FNDC8: variants seen among roughly 807,000 people sequenced by gnomAD.
FNDC8 encodes the protein fibronectin type III domain-containing protein 8.
Under a neutral mutation model 24.8 loss-of-function variants are expected in FNDC8, and 23 were observed. The ratio of observed to expected loss-of-function variants is 0.93; its 90% CI spans 0.67 to 1.31. The LOEUF is 1.31. Ranked by LOEUF, FNDC8 falls within the 40% of genes most tolerant of loss-of-function variation. FNDC8 has a pLI of 0.00. For missense variants in FNDC8, 371 were observed against 398.2 expected, an observed-to-expected ratio of 0.93 and a Z score of 0.58; for synonymous variants, 158 against 165.3, an observed-to-expected ratio of 0.96 and a Z score of 0.34.
chr17:35,127,302 A>G lies in FNDC8; in HGVS notation c.470A>G (p.Asp157Gly), dbSNP rs1372796592. ...QMATRGLLDL[D>G]NPELETETSS... Reference sequence around the variant, plus strand: ...GCCACAAGGGGCCTGCTGGACCTTGACAACCCTGAGCTGGAGACAGAAACC... The same window carrying G: ...GCCACAAGGGGCCTGCTGGACCTTGGCAACCCTGAGCTGGAGACAGAAACC... The change falls in exon 2 of 4, where the codon GAC (aspartate) becomes GGC (glycine). Residue 157 changes from aspartate (D) to glycine (G), a missense_variant. Transcript: ENST00000158009. 1 of 1,613,902 alleles carries G rather than the reference A, an allele frequency of 6.2e-7. No individual in the cohort carries two copies. Among genetic ancestry groups the G allele is most frequent in the Admixed American group, 1.7e-5 (1 of 59,986 alleles).
chr17:35,121,703 G>A lies in FNDC8; in HGVS notation c.10G>A (p.Glu4Lys). 6.2e-7 allele frequency: 1 copy of A among 1,614,046 alleles called. No homozygotes were observed. Among genetic ancestry groups the A allele is most frequent in the South Asian group, 1.1e-5 (1 of 91,080 alleles). MAS[E>K]ALHQVGDGEE... is the part of the protein sequence containing the mutation. ...ATCCCGAACAAATCAGATGGCATCA[G>A]AGGCACTCCATCAAGTGGGAGATGG... is the stretch of plus-strand genomic sequence containing the variant. Residue 4 changes from glutamate to lysine, a missense_variant, in exon 1 of 4, where the codon GAG becomes AAG. Glu to Lys is a moderately conservative substitution (Grantham distance 56). Transcript: ENST00000158009.
At chr17:35,122,538 C>CA (rs2091833987) in intron 1 of FNDC8, among the ~76,000 whole-genome samples, 1 of 151,976 alleles carries the variant, frequency 6.6e-6, no homozygotes, top group African/African-American at 2.4e-5. Flanking sequence ...TTGGATTAGT[C>CA]AGTTTGTTGA....
chr17:35,129,366 G>C, intron 2 of FNDC8, 56 bp from the exon 3 acceptor site: 1 of 1,581,698 alleles, frequency 6.3e-7, no homozygotes, highest in Non-Finnish European at 8.6e-7. Flanking sequence ...GGAGGGTGAA[G>C]GGACAGGAAG....
intron 1 of FNDC8, among the ~76,000 whole-genome samples, chr17:35,123,500 G>C (rs951752779): frequency 4.6e-5 from 7 of 152,160 alleles, no homozygotes; most frequent in Admixed American, 4.6e-4. Flanking sequence ...CACTTTGAGA[G>C]GCTGAGGCGG....
At chr17:35,126,097 T>G (rs2091848247) in intron 1 of FNDC8, among the ~76,000 whole-genome samples, 1 of 152,084 alleles carries the variant, frequency 6.6e-6, no homozygotes, top group Admixed American at 6.5e-5. Context: ...ATTTTTTGTA[T>G]TTTTAGTAGA....
Position 35,127,297 on chromosome 17 carries a change from C to A in FNDC8, c.465C>A (p.Asp155Glu). ...AGATGGCCACAAGGGGCCTGCTGGA[C>A]CTTGACAACCCTGAGCTGGAGACAG... Reference protein sequence around the residue: ...KSQMATRGLLDLDNPELETET... With the variant: ...KSQMATRGLLELDNPELETET... The change falls in exon 2 of 4, where the codon GAC becomes GAA. Residue 155 changes from aspartate to glutamate, a missense_variant. Physicochemically the swap from Asp to Glu is conservative, Grantham distance 45. Coordinates refer to ENST00000158009, the MANE Select transcript of FNDC8 (RefSeq NM_017559.4). The A allele has an allele frequency of 6.2e-7, 1 of 1,614,056 alleles. No individual in the cohort carries two copies. The highest frequency in any genetic ancestry group is 8.5e-7 in the Non-Finnish European group (1 of 1,179,958).
At position 35,126,329 on chromosome 17, in the gene FNDC8, C is replaced by G. The variant is rs532379987; in HGVS notation, c.210-713C>G. Reference sequence around the variant, plus strand: ...ATTAGTAATTCCATTAAAATTTAAACAATAGTAAATAAACATTAGTGAAAT... The same window carrying G: ...ATTAGTAATTCCATTAAAATTTAAAGAATAGTAAATAAACATTAGTGAAAT... On this transcript the variant is annotated intron_variant, in intron 1 of 3. Coordinates refer to ENST00000158009, the MANE Select transcript of FNDC8 (RefSeq NM_017559.4). 2.0e-5 allele frequency among the ~76,000 whole-genome samples: 3 copies of G among 152,142 alleles called. No homozygotes were observed. The South Asian group carries it at 6.2e-4, about 32-fold the overall frequency.
At chr17:35,124,875 C>T (rs1407547282) in intron 1 of FNDC8, among the ~76,000 whole-genome samples, 1 of 151,346 alleles carries the variant, frequency 6.6e-6, no homozygotes, top group East Asian at 2.0e-4. Flanking sequence ...TGGTAAAACC[C>T]CATCTCTACT....
intron 1 of FNDC8, among the ~76,000 whole-genome samples, chr17:35,125,428 A>G (rs1199148581): frequency 6.6e-6 from 1 of 152,216 alleles, no homozygotes; most frequent in African/African-American, 2.4e-5. Context: ...AAAAACAAAA[A>G]CAAAAACAAA....
In FNDC8 at chr17:35,122,949, G is replaced by A. The variant is rs1040352305; in HGVS notation, c.209+1047G>A. Among the ~76,000 whole-genome samples the A allele has an allele frequency of 3.3e-5, 5 of 152,268 alleles. No homozygotes were observed. In the South Asian group the frequency reaches 1.0e-3, roughly 32 times the overall value. On this transcript the variant is annotated intron_variant, in intron 1 of 3. Coordinates refer to ENST00000158009, the MANE Select transcript of FNDC8 (RefSeq NM_017559.4). ...GACAGGATGCCTTGAGGGACCAGAG[G>A]GGCTTAGTATAGCTTGAGACTGGGT...
At chr17:35,130,116 T>C (rs1470294406) in intron 3 of FNDC8, 166 bp from the exon 4 acceptor site, 2 of 1,438,950 alleles carry the variant, frequency 1.4e-6, no homozygotes, top group Non-Finnish European at 1.8e-6. Flanking sequence ...AGGTACAGGC[T>C]TGAGTCATGC....
chr17:35,130,262 G>A lies in FNDC8; in HGVS notation c.823-20G>A, dbSNP rs373413395. ...CAGATCTGGGAAGGAACTCTGAAGG[G>A]TTTTCTTGTTTCACTTCAGTTTGCA... On this transcript the variant is annotated intron_variant, in intron 3 of 3. Transcript: ENST00000158009. 2 of 1,612,186 alleles carry A rather than the reference G, an allele frequency of 1.2e-6. No homozygotes were observed. Among genetic ancestry groups the A allele is most frequent in the African/African-American group, 2.7e-5 (2 of 74,822 alleles).
chr17:35,130,253 C>T, intron 3 of FNDC8, 29 bp from the exon 4 acceptor site: 1 of 1,609,874 alleles, frequency 6.2e-7, no homozygotes, highest in Non-Finnish European at 8.5e-7. Flanking sequence ...TGGGAAGGAA[C>T]TCTGAAGGGT....
chr17:35,127,404 A>G lies in FNDC8; in HGVS notation c.572A>G (p.Asn191Ser), dbSNP rs376622702. 3 of 1,553,010 alleles carry G rather than the reference A, an allele frequency of 1.9e-6. No individual in the cohort carries two copies. Among genetic ancestry groups the G allele is most frequent in the Non-Finnish European group, 1.7e-6 (2 of 1,149,476 alleles). Residue 191 changes from asparagine to serine, a missense_variant, in exon 2 of 4, where the codon AAT becomes AGT. Physicochemically the swap from Asn to Ser is conservative, Grantham distance 46. Coordinates refer to ENST00000158009, the MANE Select transcript of FNDC8 (RefSeq NM_017559.4). ...TTCATCTTTGAGCACACCGTCAACA[A>G]TTCCACAGCTGTGGTGCGTTTCCCT... is the stretch of plus-strand genomic sequence containing the variant. ...TPFIFEHTVNNSTAVISWTYA... is the reference protein window; with the variant it reads ...TPFIFEHTVNSSTAVISWTYA...
Position 35,127,254 on chromosome 17 carries a change from C to T in FNDC8, c.422C>T (p.Pro141Leu). ...ENEDLALGPC[P>L]CPSKSQMATR... ...GAGGACCTGGCGCTCGGCCCCTGCC[C>T]ATGCCCATCGAAGTCCCAGATGGCC... The change falls in exon 2 of 4, where the codon CCA becomes CTA. Residue 141 changes from proline (P) to leucine (L), a missense_variant. Coordinates refer to ENST00000158009, the MANE Select transcript of FNDC8 (RefSeq NM_017559.4). The T allele has an allele frequency of 2.5e-6, 4 of 1,613,994 alleles. No homozygotes were observed. Among genetic ancestry groups the T allele is most frequent in the Non-Finnish European group, 3.4e-6 (4 of 1,179,922 alleles).
intron 1 of FNDC8, among the ~76,000 whole-genome samples, chr17:35,124,051 G>T (rs190920976): frequency 6.6e-6 from 1 of 152,328 alleles, no homozygotes; most frequent in East Asian, 1.9e-4. Context: ...CGCTAGCATA[G>T]GGGATCTGGG....
chr17:35,130,681 A>G lies in FNDC8; in HGVS notation c.*247A>G. ...CAGCTGCTAGACTCCCTCCTCCTCC[A>G]AATCTGGGCTGGGTCTAGGTCCCTC... On this transcript the variant is annotated 3_prime_UTR_variant, in exon 4 of 4. Coordinates refer to ENST00000158009, the MANE Select transcript of FNDC8 (RefSeq NM_017559.4). The G allele has an allele frequency of 2.0e-6, 1 of 512,254 alleles. No homozygotes were observed. The highest frequency in any genetic ancestry group is 3.5e-6 in the Non-Finnish European group (1 of 286,616). The allele number at this position is 512,254 out of a possible 1,614,324, so 31.7% of individuals were successfully genotyped here.
At position 35,130,287 on chromosome 17, in the gene FNDC8, A is replaced by G; in HGVS notation, c.828A>G (p.Ala276=). ...VGKWCKPYKF[A]TLATDFSSFP... is the part of the protein sequence containing the mutation. The stretch of plus-strand genomic sequence containing the variant: ...GTTTTCTTGTTTCACTTCAGTTTGC[A>G]ACCCTGGCCACTGACTTCAGCAGCT... The change falls in exon 4 of 4, where the codon GCA becomes GCG. Residue 276 remains alanine, a synonymous_variant. Transcript: ENST00000158009. 6.2e-7 allele frequency: 1 copy of G among 1,613,626 alleles called. No individual in the cohort carries two copies. The highest frequency in any genetic ancestry group is 1.3e-5 in the African/African-American group (1 of 75,010).
chr17:35,129,326 G>C, intron 2 of FNDC8, 96 bp from the exon 3 acceptor site: 6 of 1,491,130 alleles, frequency 4.0e-6, no homozygotes, highest in Non-Finnish European at 4.6e-6. Flanking sequence ...AGGAGCAGGG[G>C]ATGGGCATGG....
Sources: gnomAD v4.1 joint callset for allele counts (sites outside exome capture counted in the v4.1 genomes callset) on GRCh38, gnomAD v4.1.1 for gene constraint, MANE v1.5 for transcripts, NCBI Gene and HGNC (gene_info 2026-07-23, HGNC 2026-07-21) for gene names.